The following OPCML variants were observed in gnomAD, a reference collection of about 807,000 sequenced individuals.
The protein encoded by OPCML is opioid binding protein/cell adhesion molecule like.
Under a neutral mutation model 37.8 loss-of-function variants are expected in OPCML, and 13 were observed. That is an observed-to-expected ratio of 0.34 (90% CI 0.22 to 0.55). The LOEUF (loss-of-function observed/expected upper bound fraction) is 0.55, where lower values mean the gene tolerates loss of function less well. Ranked by LOEUF, OPCML falls within the 20% of genes least tolerant of loss-of-function variation. The pLI is 0.91. For synonymous variants in OPCML, 176 were observed against 168.8 expected (o/e 1.04, Z -0.33); for missense variants, 341 against 435.6 (o/e 0.78, Z 1.93).
intron 1 of OPCML, among the ~76,000 whole-genome samples, chr11:132,958,199 G>A (rs1946010636): frequency 1.3e-5 from 2 of 152,318 alleles, no homozygotes; most frequent in South Asian, 2.1e-4. Context: ...ACACAGAGAA[G>A]GTTTTGGTGG....
chr11:133,181,927 C>A (rs920660424), intron 1 of OPCML, among the ~76,000 whole-genome samples: 1 of 152,180 alleles, frequency 6.6e-6, no homozygotes, highest in Non-Finnish European at 1.5e-5. Flanking sequence ...TCTGCCTGCA[C>A]GGTGCAGCTT....
chr11:132,820,480 T>C (rs1591653515), intron 2 of OPCML, among the ~76,000 whole-genome samples: 1 of 152,242 alleles, frequency 6.6e-6, no homozygotes, highest in South Asian at 2.1e-4. Flanking sequence ...TTTGTGTTTA[T>C]ATACACATAT....
At chr11:133,237,409 G>A (rs141588663) in intron 1 of OPCML, among the ~76,000 whole-genome samples, 4 of 152,282 alleles carry the variant, frequency 2.6e-5, no homozygotes, top group African/African-American at 7.2e-5. Flanking sequence ...TGCTGTGAAC[G>A]GTTAAGTGCA....
intron 1 of OPCML, among the ~76,000 whole-genome samples, chr11:133,502,025 C>G (rs1331269970): frequency 6.6e-6 from 1 of 152,160 alleles, no homozygotes; most frequent in Non-Finnish European, 1.5e-5. Flanking sequence ...CCTCTCACCC[C>G]CCTTTCCTTC....
At position 132,578,024 on chromosome 11, in the gene OPCML, G is replaced by GA. The variant is rs376116993; in HGVS notation, c.380-48839dup. Among the ~76,000 whole-genome samples, 641 of 151,164 alleles carry GA rather than the reference G, an allele frequency of 4.2e-3. 1 individual carries two copies. Among genetic ancestry groups the GA allele is most frequent in the African/African-American group, 0.014 (573 of 41,296 alleles). Reference sequence around the variant, plus strand: ...TAGATGCACATATACAAGATACATAGAAAAAAAAAGAATATGCAACTCAAT... The same window carrying GA: ...TAGATGCACATATACAAGATACATAGAAAAAAAAAAGAATATGCAACTCAAT... On this transcript the variant is annotated intron_variant, in intron 3 of 7. Coordinates refer to ENST00000524381, the MANE Select transcript of OPCML (RefSeq NM_001012393.5).
intron 1 of OPCML, among the ~76,000 whole-genome samples, chr11:132,984,505 T>C (rs968463821): frequency 7.2e-5 from 11 of 152,306 alleles, no homozygotes; most frequent in Middle Eastern, 3.4e-3. Context: ...ATAGATATTG[T>C]TAATCATTAT....
intron 1 of OPCML, among the ~76,000 whole-genome samples, chr11:133,199,877 C>A (rs1938695310): frequency 6.6e-6 from 1 of 152,152 alleles, no homozygotes; most frequent in Non-Finnish European, 1.5e-5. Context: ...AATCCTCATA[C>A]TTAGTAAAAC....
In OPCML at chr11:133,208,914, C is replaced by G. The variant is rs1939233663; in HGVS notation, c.62-265904G>C. On this transcript the variant is annotated intron_variant, in intron 1 of 7. Coordinates refer to ENST00000524381, the MANE Select transcript of OPCML (RefSeq NM_001012393.5). The surrounding 1 kb of genome is among the most constrained non-coding windows in gnomAD (Gnocchi z 8.9). ...CCTCCTCTGGTGTCTAAGAACCAAA[C>G]CAACCCACTCTTGGGAGAAGACATA... 6.6e-6 allele frequency among the ~76,000 whole-genome samples: 1 copy of G among 152,182 alleles called. No individual in the cohort carries two copies. The highest frequency in any genetic ancestry group is 2.4e-5 in the African/African-American group (1 of 41,442).
chr11:132,752,699 G>C (rs547528122), intron 2 of OPCML, among the ~76,000 whole-genome samples: 1 of 151,676 alleles, frequency 6.6e-6, no homozygotes, highest in East Asian at 1.9e-4. Flanking sequence ...CTATAAGTTT[G>C]GATGGCCTTT....
intron 3 of OPCML, among the ~76,000 whole-genome samples, chr11:132,558,196 T>C (rs2096400280): frequency 6.6e-6 from 1 of 151,976 alleles, no homozygotes; most frequent in Non-Finnish European, 1.5e-5. Context: ...TCTGATTTCT[T>C]CTTCTTCCTC....
intron 2 of OPCML, among the ~76,000 whole-genome samples, chr11:132,863,200 T>A (rs891436104): frequency 6.6e-6 from 1 of 152,174 alleles, no homozygotes; most frequent in African/African-American, 2.4e-5. Flanking sequence ...GAGGATGTGT[T>A]TGCAGCAGAA....
chr11:133,248,931 G>A (rs1293759427), intron 1 of OPCML, among the ~76,000 whole-genome samples: 1 of 152,214 alleles, frequency 6.6e-6, no homozygotes, highest in African/African-American at 2.4e-5. Context: ...TGAGATTAAA[G>A]TGATCTGTGT....
intron 1 of OPCML, among the ~76,000 whole-genome samples, chr11:132,967,362 AT>A (rs1235858963): frequency 6.6e-6 from 1 of 152,078 alleles, no homozygotes; most frequent in African/African-American, 2.4e-5. Context: ...CCAATAGTGC[AT>A]TTTTATAAGC....
At chr11:132,914,381 C>T (rs920893131) in intron 2 of OPCML, among the ~76,000 whole-genome samples, 3 of 152,148 alleles carry the variant, frequency 2.0e-5, no homozygotes, top group African/African-American at 4.8e-5. Context: ...TAATATGGTT[C>T]GTCTCTTGTG....
chr11:132,761,514 CT>C (rs375086903), intron 2 of OPCML, among the ~76,000 whole-genome samples: 3,053 of 152,050 alleles, frequency 0.02, 81 homozygotes, highest in African/African-American at 0.067. Flanking sequence ...CCTTTTTATT[CT>C]TTTTTCTCTA....
intron 1 of OPCML, among the ~76,000 whole-genome samples, chr11:133,400,892 A>C (rs116185841): frequency 1.3e-5 from 2 of 152,328 alleles, no homozygotes; most frequent in African/African-American, 4.8e-5. Flanking sequence ...TGCTCCAAAA[A>C]TGCCATGCAA....
At chr11:132,833,576 G>A (rs1267690610) in intron 2 of OPCML, among the ~76,000 whole-genome samples, 1 of 152,202 alleles carries the variant, frequency 6.6e-6, no homozygotes, top group African/African-American at 2.4e-5. Context: ...ACCAGTAATA[G>A]TCATTTATCA....
chr11:132,947,942 G>C (rs187823921), intron 1 of OPCML, among the ~76,000 whole-genome samples: 2 of 152,290 alleles, frequency 1.3e-5, no homozygotes, highest in Admixed American at 1.3e-4. Flanking sequence ...GCTCCAGTGA[G>C]CATTTCCTTT....
chr11:133,423,125 G>C (rs1945926726), intron 1 of OPCML: 1 of 985,240 alleles, frequency 1.0e-6, no homozygotes, highest in South Asian at 4.7e-5. Flanking sequence ...TGCCTTTCAG[G>C]ATCTTATAAC....
Sources: gnomAD v4.1 joint callset for allele counts (sites outside exome capture counted in the v4.1 genomes callset) on GRCh38, gnomAD v4.1.1 for gene constraint, Gnocchi (gnomAD v3.1) non-coding constraint, MANE v1.5 for transcripts, NCBI Gene and HGNC (gene_info 2026-07-23, HGNC 2026-07-21) for gene names.